The following ZNF385D variants were observed in gnomAD, a reference collection of about 807,000 sequenced individuals.
ZNF385D encodes the protein zinc finger protein 659.
In ZNF385D, 15 loss-of-function variants were observed where a neutral mutation model predicts 35.8. The ratio of observed to expected loss-of-function variants is 0.42; its 90% confidence interval spans 0.28 to 0.64. The LOEUF (loss-of-function observed/expected upper bound fraction) is 0.64. Among genes scored for constraint, ZNF385D ranks in the 30% least tolerant of loss-of-function variants. The pLI is 0.23. For missense variants in ZNF385D, 474 were observed against 494.6 expected, an observed-to-expected ratio of 0.96 and a Z score of 0.39; for synonymous variants, 212 against 186.8, an observed-to-expected ratio of 1.13 and a Z score of -1.10.
At chr3:21,424,862 G>A (rs1700942272) in intron 6 of ZNF385D, among the ~76,000 whole-genome samples, 1 of 151,954 alleles carries the variant, frequency 6.6e-6, no homozygotes, top group African/African-American at 2.4e-5. Context: ...TAAATAAGGT[G>A]CATAAAATCA....
At chr3:22,042,626 G>A (rs1162848703) in intron 3 of ZNF385D, among the ~76,000 whole-genome samples, 1 of 151,996 alleles carries the variant, frequency 6.6e-6, no homozygotes, top group Non-Finnish European at 1.5e-5. Flanking sequence ...TTCTCTGCTG[G>A]GAAAGCCCAT....
At chr3:22,237,592 C>T (rs901012676) in intron 2 of ZNF385D, among the ~76,000 whole-genome samples, 3 of 152,128 alleles carry the variant, frequency 2.0e-5, no homozygotes, top group African/African-American at 7.2e-5. Context: ...AGGTCATTAA[C>T]ATTTACATGT....
rs990343646 is a variant in ZNF385D at position 21,997,878 on chromosome 3, T to C, written c.325+170939A>G. Among the ~76,000 whole-genome samples, 1,078 of 109,286 alleles carry C rather than the reference T, an allele frequency of 9.9e-3. 14 individuals are homozygous for C. Among genetic ancestry groups the C allele is most frequent in the African/African-American group, 0.033 (947 of 28,810 alleles). The allele number at this position is 109,286 out of a possible 152,430, so 71.7% of individuals were successfully genotyped here. On this transcript the variant is annotated intron_variant, in intron 3 of 5. Coordinates refer to the ZNF385D transcript ENST00000494108. ...TTTGGCGCGCGCGCGCGCGCGTGTG[T>C]GTGTGTGTGTGTGTGTGTGTGTGTG...
At chr3:21,847,052 T>C (rs1696052122) in intron 3 of ZNF385D, among the ~76,000 whole-genome samples, 1 of 152,054 alleles carries the variant, frequency 6.6e-6, no homozygotes, top group Non-Finnish European at 1.5e-5. Context: ...GGCTTCAACC[T>C]GAACTTTTTC....
chr3:22,138,420 T>C (rs1704290980), intron 3 of ZNF385D, among the ~76,000 whole-genome samples: 1 of 152,084 alleles, frequency 6.6e-6, no homozygotes, highest in Non-Finnish European at 1.5e-5. Flanking sequence ...CAAACTATAC[T>C]ACAAGGCTAC....
At chr3:22,206,635 T>G (rs989278723) in intron 2 of ZNF385D, among the ~76,000 whole-genome samples, 1 of 151,658 alleles carries the variant, frequency 6.6e-6, no homozygotes, top group Non-Finnish European at 1.5e-5. Context: ...GTTTGAGAAC[T>G]ATACAAATGA....
At chr3:21,971,471 A>T (rs1703253166) in intron 3 of ZNF385D, among the ~76,000 whole-genome samples, 1 of 151,924 alleles carries the variant, frequency 6.6e-6, no homozygotes, top group African/African-American at 2.4e-5. Flanking sequence ...AATCAAAAAA[A>T]ATAATGGATA....
chr3:22,218,333 T>A lies in ZNF385D; in HGVS notation c.107-49298A>T, dbSNP rs946653480. 3.3e-5 allele frequency among the ~76,000 whole-genome samples: 5 copies of A among 152,200 alleles called. No homozygotes were observed. The East Asian group carries it at 7.7e-4, about 24-fold the overall frequency. ...CTTTTATGTATTTTTATAAACTATATCTTTTAAAAAATTATTGCTGGTAAA... is the reference window on the plus strand; with the variant it reads ...CTTTTATGTATTTTTATAAACTATAACTTTTAAAAAATTATTGCTGGTAAA... On this transcript the variant is annotated intron_variant, in intron 2 of 5. Coordinates refer to the ZNF385D transcript ENST00000494108.
chr3:22,057,513 ATT>A (rs35980797), intron 3 of ZNF385D, among the ~76,000 whole-genome samples: 4 of 144,852 alleles, frequency 2.8e-5, no homozygotes, highest in Admixed American at 6.9e-5. Context: ...CTTTTAAAGT[ATT>A]TTTTTTTTTT....
intron 4 of ZNF385D, among the ~76,000 whole-genome samples, chr3:21,499,734 T>G (rs2125434929): frequency 6.6e-6 from 1 of 152,278 alleles, no homozygotes; most frequent in Non-Finnish European, 1.5e-5. Flanking sequence ...ATTCTGACCT[T>G]CATCTTTAGG....
intron 3 of ZNF385D, among the ~76,000 whole-genome samples, chr3:22,099,064 T>C (rs532170468): frequency 1.3e-5 from 2 of 152,196 alleles, no homozygotes; most frequent in Middle Eastern, 6.8e-3. Context: ...AAAAATCCAA[T>C]CTACTTGTTC....
intron 3 of ZNF385D, among the ~76,000 whole-genome samples, chr3:21,887,360 G>A (rs1023003639): frequency 2.0e-5 from 3 of 152,190 alleles, no homozygotes; most frequent in Admixed American, 6.6e-5. Flanking sequence ...AAAATAGTTT[G>A]TAAAAATAAA....
At chr3:22,066,531 CCT>C (rs1491349549) in intron 3 of ZNF385D, among the ~76,000 whole-genome samples, 3 of 38,198 alleles carry the variant, frequency 7.9e-5, no homozygotes, top group African/African-American at 1.2e-4. Context: ...GAGATGGTTC[CCT>C]GTGTGTGTGT....
At chr3:22,111,814 G>A (rs62246425) in intron 3 of ZNF385D, among the ~76,000 whole-genome samples, 3 of 151,934 alleles carry the variant, frequency 2.0e-5, no homozygotes, top group African/African-American at 7.3e-5. Context: ...GTGAAACATA[G>A]AGCTAACTCA....
chr3:21,509,279 TTC>T, intron 4 of ZNF385D, among the ~76,000 whole-genome samples: 1 of 152,184 alleles, frequency 6.6e-6, no homozygotes, highest in East Asian at 1.9e-4. Flanking sequence ...CATCTCTTTG[TTC>T]TCCCTACCTA....
chr3:21,738,228 T>G (rs1476548419), intron 1 of ZNF385D, among the ~76,000 whole-genome samples: 2 of 152,156 alleles, frequency 1.3e-5, no homozygotes, highest in Admixed American at 1.3e-4. Context: ...GCTCCTAGGT[T>G]TGAGTTGTCA....
intron 2 of ZNF385D, among the ~76,000 whole-genome samples, chr3:22,289,920 G>A (rs1465580292): frequency 1.3e-5 from 2 of 152,138 alleles, no homozygotes; most frequent in East Asian, 1.9e-4. Flanking sequence ...AGCCTTGTTA[G>A]AAGCTTGACT....
At chr3:22,204,915 TAG>T (rs138175994) in intron 2 of ZNF385D, among the ~76,000 whole-genome samples, 1 of 130,660 alleles carries the variant, frequency 7.7e-6, no homozygotes. Context: ...AAAGAGAGGA[TAG>T]AGAGAGAGAG....
At chr3:21,788,926 C>G (rs577151387) in intron 3 of ZNF385D, among the ~76,000 whole-genome samples, 1 of 152,164 alleles carries the variant, frequency 6.6e-6, no homozygotes, top group Admixed American at 6.5e-5. Context: ...TGGATTAGGG[C>G]AGGAGGTCAG....
Sources: gnomAD v4.1 joint callset for allele counts (sites outside exome capture counted in the v4.1 genomes callset) on GRCh38, gnomAD v4.1.1 for gene constraint, MANE v1.5 for transcripts, NCBI Gene and HGNC (gene_info 2026-07-23, HGNC 2026-07-21) for gene names.